The following ADCY10 variants were observed in gnomAD, a reference collection of about 807,000 sequenced individuals.
ADCY10 encodes adenylate cyclase 10, also known as adenylate cyclase type 10.
Under a neutral mutation model 183.3 loss-of-function variants are expected in ADCY10, and 156 were observed. That is an observed-to-expected ratio of 0.85 (90% CI 0.75 to 0.97). The LOEUF (loss-of-function observed/expected upper bound fraction) is 0.97. Among genes scored for constraint, ADCY10 ranks in the 50% least tolerant of loss-of-function variants. ADCY10 has a pLI of 0.00. For missense variants in ADCY10, 1,745 were observed against 1,934.3 expected (o/e 0.90, Z 1.84); for synonymous variants, 645 against 670.0 (o/e 0.96, Z 0.58).
intron 25 of ADCY10, among the ~76,000 whole-genome samples, chr1:167,832,304 C>T (rs1663794106): frequency 6.6e-6 from 1 of 152,136 alleles, no homozygotes; most frequent in African/African-American, 2.4e-5. Context: ...CAAGCATACA[C>T]ACAGCAAACA....
At chr1:167,863,880 A>C (rs1666476249) in intron 14 of ADCY10, among the ~76,000 whole-genome samples, 1 of 152,180 alleles carries the variant, frequency 6.6e-6, no homozygotes, top group Non-Finnish European at 1.5e-5. Flanking sequence ...ATTTGAGTGG[A>C]AGCATGGCCT....
intron 30 of ADCY10, among the ~76,000 whole-genome samples, chr1:167,819,220 TTGAATA>T (rs1662718011): frequency 6.6e-6 from 1 of 152,032 alleles, no homozygotes; most frequent in African/African-American, 2.4e-5. Context: ...GTACAATCCT[TTGAATA>T]TTTTCTGTGT....
intron 21 of ADCY10, among the ~76,000 whole-genome samples, chr1:167,838,409 A>G (rs1431712833): frequency 6.6e-6 from 1 of 152,236 alleles, no homozygotes; most frequent in Non-Finnish European, 1.5e-5. Flanking sequence ...ATGTTGCCAC[A>G]TCCAAAGGCT....
intron 16 of ADCY10, among the ~76,000 whole-genome samples, chr1:167,858,706 A>C (rs1666081761): frequency 6.6e-6 from 1 of 152,156 alleles, no homozygotes; most frequent in Admixed American, 6.5e-5. Flanking sequence ...GGTGACATTG[A>C]AAGATGAGCA....
intron 30 of ADCY10, chr1:167,820,075 A>G: frequency 3.8e-6 from 6 of 1,573,582 alleles, no homozygotes; most frequent in South Asian, 1.1e-5. Context: ...CATCCTTGAG[A>G]TAAAATTTGG....
chr1:167,870,445 A>G (rs759602142), intron 13 of ADCY10, 35 bp from the exon 14 acceptor site: 2 of 1,547,128 alleles, frequency 1.3e-6, no homozygotes, highest in South Asian at 1.1e-5. Context: ...AGCAAACTCA[A>G]TCAACGTAAA....
At chr1:167,857,928 C>T (rs1372916154) in intron 16 of ADCY10, among the ~76,000 whole-genome samples, 1 of 152,128 alleles carries the variant, frequency 6.6e-6, no homozygotes, top group Non-Finnish European at 1.5e-5. Flanking sequence ...TTCCTAGGCC[C>T]AATCCACATC....
At chr1:167,853,252 A>C (rs1665632551) in intron 18 of ADCY10, among the ~76,000 whole-genome samples, 1 of 152,200 alleles carries the variant, frequency 6.6e-6, no homozygotes, top group African/African-American at 2.4e-5. Context: ...AAAAAAATGA[A>C]GAGGCTTCCA....
intron 12 of ADCY10, among the ~76,000 whole-genome samples, chr1:167,878,017 T>C (rs1667597959): frequency 6.6e-6 from 1 of 152,248 alleles, no homozygotes; most frequent in South Asian, 2.1e-4. Context: ...AAATCTATGC[T>C]GAGCTTTTGG....
intron 23 of ADCY10, among the ~76,000 whole-genome samples, chr1:167,835,051 T>C (rs771033056): frequency 1.3e-5 from 2 of 152,178 alleles, no homozygotes; most frequent in Non-Finnish European, 2.9e-5. Flanking sequence ...TAATTTTATA[T>C]AAATCTAAGG....
chr1:167,899,268 C>G (rs879871040), intron 6 of ADCY10, among the ~76,000 whole-genome samples, 155 bp downstream of exon 6: 12 of 152,190 alleles, frequency 7.9e-5, no homozygotes, highest in African/African-American at 2.9e-4. Context: ...GAGGAGCTGC[C>G]CTGGACTAAA....
At chr1:167,859,665 G>A (rs1223557090) in intron 16 of ADCY10, 142 bp downstream of exon 16, 2 of 758,160 alleles carry the variant, frequency 2.6e-6, no homozygotes, top group Admixed American at 1.8e-5. Context: ...AAGGATGGAG[G>A]AGAATGAAGC....
intron 6 of ADCY10, among the ~76,000 whole-genome samples, chr1:167,898,938 T>C (rs901298434): frequency 6.6e-6 from 1 of 152,140 alleles, no homozygotes; most frequent in Non-Finnish European, 1.5e-5. Context: ...TTAACCACAA[T>C]GTTTTCTACT....
At chr1:167,827,768 C>T (rs1663424255) in intron 26 of ADCY10, among the ~76,000 whole-genome samples, 1 of 151,568 alleles carries the variant, frequency 6.6e-6, no homozygotes, top group Non-Finnish European at 1.5e-5. Context: ...GGCTGGAGTG[C>T]AATGGTGTGA....
chr1:167,818,628 C>T (rs1336055685), intron 30 of ADCY10, among the ~76,000 whole-genome samples: 1 of 152,180 alleles, frequency 6.6e-6, no homozygotes, highest in Non-Finnish European at 1.5e-5. Flanking sequence ...ACCTCTGCCT[C>T]CTGGGTTCAA....
chr1:167,893,026 A>G (rs1353926250), intron 8 of ADCY10, among the ~76,000 whole-genome samples: 2 of 152,248 alleles, frequency 1.3e-5, no homozygotes, highest in African/African-American at 2.4e-5. Flanking sequence ...TGACTGGCAT[A>G]TGGTGAGTGA....
At chr1:167,849,304 T>C (rs1339357414) in intron 18 of ADCY10, among the ~76,000 whole-genome samples, 1 of 152,236 alleles carries the variant, frequency 6.6e-6, no homozygotes, top group Non-Finnish European at 1.5e-5. Context: ...GAATAGTAAA[T>C]GTGCCTAGTA....
intron 18 of ADCY10, among the ~76,000 whole-genome samples, chr1:167,851,955 T>C (rs1665523447): frequency 6.6e-6 from 1 of 152,216 alleles, no homozygotes; most frequent in Non-Finnish European, 1.5e-5. Flanking sequence ...TTATGTATCA[T>C]ATTTATTTTT....
At chr1:167,815,567 C>T (rs1423622186) in intron 31 of ADCY10, among the ~76,000 whole-genome samples, 2 of 152,300 alleles carry the variant, frequency 1.3e-5, no homozygotes, top group Non-Finnish European at 2.9e-5. Context: ...CTCCTCACAC[C>T]TTACCATCAC....
Sources: allele counts gnomAD v4.1 joint callset (sites outside exome capture counted in the v4.1 genomes callset), GRCh38; gene constraint gnomAD v4.1.1; transcripts MANE v1.5; gene names NCBI Gene and HGNC (gene_info 2026-07-23, HGNC 2026-07-21).